Variants in ANKRD12 observed in about 807,000 individuals in gnomAD.
ANKRD12 encodes the protein ankyrin repeat domain-containing protein 12.
Under a neutral mutation model 183.4 loss-of-function variants are expected in ANKRD12, and 85 were observed. The observed-to-expected ratio is 0.46, with a 90% confidence interval of 0.39 to 0.56. The LOEUF is 0.56. Among genes scored for constraint, ANKRD12 ranks in the 20% least tolerant of loss-of-function variants. The probability of loss-of-function intolerance (pLI) is 0.00; values close to 1 mark genes in which losing one functional copy is unlikely to be tolerated. For missense variants in ANKRD12, 2,405 were observed against 2,357.1 expected, an observed-to-expected ratio of 1.02 and a Z score of -0.42; for synonymous variants, 914 against 800.2, an observed-to-expected ratio of 1.14 and a Z score of -2.40.
chr18:9,240,411 G>A (rs867507234), intron 8 of ANKRD12, among the ~76,000 whole-genome samples: 4 of 152,026 alleles, frequency 2.6e-5, no homozygotes, highest in Non-Finnish European at 5.9e-5. Flanking sequence ...TTCTTGCTAC[G>A]GTGCGAGAAC....
At chr18:9,154,780 A>G (rs1040646826) in intron 1 of ANKRD12, among the ~76,000 whole-genome samples, 4 of 152,160 alleles carry the variant, frequency 2.6e-5, no homozygotes, top group African/African-American at 7.2e-5. Flanking sequence ...GCATTTCTGA[A>G]TTTCTGGCTT....
At chr18:9,250,763 T>C (rs1021370195) in intron 8 of ANKRD12, among the ~76,000 whole-genome samples, 4 of 152,108 alleles carry the variant, frequency 2.6e-5, no homozygotes, top group Admixed American at 2.0e-4. Context: ...AATGGCTGAA[T>C]TTCGAAGTTG....
intron 1 of ANKRD12, among the ~76,000 whole-genome samples, chr18:9,163,573 G>A (rs982251745): frequency 2.6e-5 from 4 of 152,044 alleles, no homozygotes; most frequent in African/African-American, 9.7e-5. Context: ...TGTGAAGAAC[G>A]TCAATGGTAG....
Position 9,254,628 on chromosome 18 carries a change from T to G in ANKRD12, c.1361T>G (p.Met454Arg). 2 of 1,581,466 alleles carry G rather than the reference T, an allele frequency of 1.3e-6. No individual in the cohort carries two copies. The highest frequency in any genetic ancestry group is 1.2e-5 in the South Asian group (1 of 83,124). ...ATCCCTGAAACATCAAATTCTGATATGCAAACCAAAAAGGAATATGTAGTT... is the reference window on the plus strand; with the variant it reads ...ATCCCTGAAACATCAAATTCTGATAGGCAAACCAAAAAGGAATATGTAGTT... ...SVIPETSNSD[M>R]QTKKEYVVSG... The change falls in exon 9 of 13, where the codon ATG becomes AGG. Residue 454 changes from methionine to arginine, a missense_variant. By Grantham distance (91) the Met-to-Arg change is moderately conservative (BLOSUM62 -1). Transcript: ENST00000262126.
intron 1 of ANKRD12, among the ~76,000 whole-genome samples, chr18:9,171,574 G>A (rs957766710): frequency 1.3e-5 from 2 of 152,120 alleles, no homozygotes; most frequent in African/African-American, 4.8e-5. Flanking sequence ...GGAAAGGAAA[G>A]TTTTTCCTTT....
chr18:9,230,870 G>T lies in ANKRD12; in HGVS notation c.943+8871G>T, dbSNP rs186560235. Among the ~76,000 whole-genome samples the T allele has an allele frequency of 2.6e-3, 392 of 151,664 alleles. 1 individual carries two copies. The highest frequency in any genetic ancestry group is 0.018 in the Admixed American group (275 of 15,228). On this transcript the variant is annotated intron_variant, in intron 8 of 12. Transcript: ENST00000262126. Reference sequence around the variant, plus strand: ...TTTAGTAGAGATGGGGTTTCACCATGTTGGCCAGACTGGTCTTGAACTCCT... The same window carrying T: ...TTTAGTAGAGATGGGGTTTCACCATTTTGGCCAGACTGGTCTTGAACTCCT...
intron 1 of ANKRD12, among the ~76,000 whole-genome samples, chr18:9,148,308 A>C (rs2078560518): frequency 1.3e-5 from 2 of 151,272 alleles, no homozygotes; most frequent in African/African-American, 4.8e-5. Context: ...GGAGGGAGGG[A>C]AAAATATATA....
At chr18:9,237,349 A>G (rs905814629) in intron 8 of ANKRD12, among the ~76,000 whole-genome samples, 5 of 152,228 alleles carry the variant, frequency 3.3e-5, no homozygotes, top group Admixed American at 2.6e-4. Context: ...TTGTCTCTAT[A>G]ACATTCTGTC....
At chr18:9,177,462 G>C (rs1204531630) in intron 1 of ANKRD12, among the ~76,000 whole-genome samples, 2 of 151,812 alleles carry the variant, frequency 1.3e-5, no homozygotes, top group African/African-American at 4.8e-5. Context: ...CATAATATTT[G>C]TACATATTTA....
intron 12 of ANKRD12, 117 bp downstream of exon 12, chr18:9,279,761 A>G: frequency 1.7e-6 from 1 of 603,922 alleles, no homozygotes; most frequent in Non-Finnish European, 2.9e-6. Context: ...TTAGTCATGA[A>G]TCCTCACACT....
chr18:9,208,896 TTTTA>T (rs1386115342), intron 5 of ANKRD12, 93 bp downstream of exon 5: 19 of 1,214,262 alleles, frequency 1.6e-5, no homozygotes, highest in Non-Finnish European at 2.1e-5. Context: ...TACTTTTAAT[TTTTA>T]TTCTTTCTTG....
chr18:9,243,930 GTTC>G (rs1194139656), intron 8 of ANKRD12, among the ~76,000 whole-genome samples: 8 of 152,232 alleles, frequency 5.3e-5, no homozygotes, highest in African/African-American at 1.9e-4. Flanking sequence ...GAGGTCAGGA[GTTC>G]AAGACCAGCC....
At chr18:9,179,004 T>C (rs2033502509) in intron 1 of ANKRD12, among the ~76,000 whole-genome samples, 1 of 152,192 alleles carries the variant, frequency 6.6e-6, no homozygotes. Context: ...CTTACACATA[T>C]TTTGTTATAT....
chr18:9,242,265 T>C (rs755869442), intron 8 of ANKRD12, among the ~76,000 whole-genome samples: 8 of 152,164 alleles, frequency 5.3e-5, no homozygotes, highest in Non-Finnish European at 8.8e-5. Flanking sequence ...TAATAGGTTT[T>C]TTGTTTAAAA....
In ANKRD12 at chr18:9,265,969, C is replaced by T. The variant is rs140291624; in HGVS notation, c.5763+2081C>T. 2.5e-3 allele frequency among the ~76,000 whole-genome samples: 385 copies of T among 152,182 alleles called. 2 individuals carry two copies. Among genetic ancestry groups the T allele is most frequent in the Middle Eastern group, 0.024 (7 of 294 alleles). On this transcript the variant is annotated intron_variant, in intron 10 of 12. Transcript: ENST00000262126. ...AAACCAAGGCACGAGAACTACATGA[C>T]GAATGCACAAGCTTCAGTAGCCGAT...
At chr18:9,162,766 CATT>C in intron 1 of ANKRD12, among the ~76,000 whole-genome samples, 1 of 152,054 alleles carries the variant, frequency 6.6e-6, no homozygotes, top group South Asian at 2.1e-4. Context: ...GATGGTATCT[CATT>C]GTGGTTTTGA....
At chr18:9,138,483 A>C (rs2078204113) in intron 1 of ANKRD12, among the ~76,000 whole-genome samples, 1 of 152,242 alleles carries the variant, frequency 6.6e-6, no homozygotes, top group African/African-American at 2.4e-5. Context: ...ACTGCACTCC[A>C]GCCTGGGCCA....
chr18:9,205,331 T>A lies in ANKRD12; in HGVS notation c.304+787T>A, dbSNP rs532171591. ...CTTAAATAAAAATATGATTTTTTTT[T>A]AGTCCCTGGGTGTCTAAGTGTCTAG... On this transcript the variant is annotated intron_variant, in intron 4 of 12. Coordinates refer to ENST00000262126, the MANE Select transcript of ANKRD12 (RefSeq NM_015208.5). Among the ~76,000 whole-genome samples the A allele has an allele frequency of 1.8e-3, 274 of 149,222 alleles. 1 individual carries two copies. The highest frequency in any genetic ancestry group is 6.2e-3 in the African/African-American group (254 of 41,192).
At chr18:9,215,332 A>G (rs1478902972) in intron 6 of ANKRD12, among the ~76,000 whole-genome samples, 1 of 152,130 alleles carries the variant, frequency 6.6e-6, no homozygotes, top group Non-Finnish European at 1.5e-5. Context: ...GGGAAAAGGT[A>G]AACCCAGCTG....
Sources: gnomAD v4.1 joint callset for allele counts (sites outside exome capture counted in the v4.1 genomes callset) on GRCh38, gnomAD v4.1.1 for gene constraint, MANE v1.5 for transcripts, NCBI Gene and HGNC (gene_info 2026-07-23, HGNC 2026-07-21) for gene names.